The following OSBPL3 variants were observed in gnomAD, a reference collection of about 807,000 sequenced individuals.
OSBPL3 encodes the protein oxysterol binding protein like 3.
In OSBPL3, 65 loss-of-function variants were observed where a neutral mutation model predicts 120.1. The ratio of observed to expected loss-of-function variants is 0.54; its 90% CI spans 0.44 to 0.67. OSBPL3 has a LOEUF of 0.67. Among genes scored for constraint, OSBPL3 ranks in the 30% least tolerant of loss-of-function variants. The pLI is 0.00. For synonymous variants in OSBPL3, 416 were observed against 402.6 expected (o/e 1.03, Z -0.40); for missense variants, 1,004 against 1,082.1 (o/e 0.93, Z 1.01).
At chr7:24,814,940 ATTGC>A in intron 19 of OSBPL3, 115 bp downstream of exon 19, 1 of 915,758 alleles carries the variant, frequency 1.1e-6, no homozygotes, top group Non-Finnish European at 1.7e-6. Context: ...GAGCTCAGGC[ATTGC>A]TTGCCTGCTG....
rs1250278963 is a variant in OSBPL3 at position 24,866,200 on chromosome 7, T to C, written c.419A>G (p.Lys140Arg). The C allele has an allele frequency of 1.2e-6, 2 of 1,613,324 alleles. No individual in the cohort carries two copies. The highest frequency in any genetic ancestry group is 1.7e-6 in the Non-Finnish European group (2 of 1,179,268). ...SEEVFDEWVS[K>R]LRHHRMYRQN... ...ACGATACATTCTGTGGTGGCGAAGT[T>C]TCGATACCCACTCATCAAAGACTTC... The change falls in exon 6 of 23, where the codon AAA becomes AGA. Residue 140 changes from lysine (K) to arginine (R), a missense_variant. Around this residue, in one of 4 missense-constraint regions of OSBPL3, gnomAD observed 255 missense variants for 248.7 expected, o/e 1.03. Coordinates refer to ENST00000313367, the MANE Select transcript of OSBPL3 (RefSeq NM_015550.4).
chr7:24,860,955 T>C (rs1479660685), intron 10 of OSBPL3, among the ~76,000 whole-genome samples: 1 of 152,232 alleles, frequency 6.6e-6, no homozygotes, highest in East Asian at 1.9e-4. Flanking sequence ...AAATGAGTGT[T>C]GGGTTGCATG....
intron 14 of OSBPL3, among the ~76,000 whole-genome samples, chr7:24,837,285 C>A (rs1036952906): frequency 6.6e-6 from 1 of 152,152 alleles, no homozygotes; most frequent in Non-Finnish European, 1.5e-5. Context: ...CTCACTGTAA[C>A]CTCGAACTCC....
chr7:24,850,609 G>GA (rs1470917746), intron 11 of OSBPL3, among the ~76,000 whole-genome samples: 1 of 152,116 alleles, frequency 6.6e-6, no homozygotes, highest in East Asian at 1.9e-4. Flanking sequence ...AATCCTTGAG[G>GA]ACCACTTAAG....
rs1365081402 is a variant in OSBPL3, at chr7:24,980,059, A to C, written c.-323T>G. 3.0e-6 allele frequency: 3 copies of C among 984,528 alleles called. No individual in the cohort carries two copies. The East Asian group carries it at 3.4e-4, about 113-fold the overall frequency. 61.0% of individuals were successfully genotyped at this position (984,528 alleles called of 1,614,324 possible). On this transcript the variant is annotated 5_prime_UTR_variant, in exon 1 of 23. Coordinates refer to ENST00000313367, the MANE Select transcript of OSBPL3 (RefSeq NM_015550.4). ...GGCGGGGATGGCCACTTGCAGACAG[A>C]CTGCGGGGCCGGAGCCGCGCTGCGC...
chr7:24,954,605 G>A (rs529319133), intron 1 of OSBPL3, among the ~76,000 whole-genome samples: 33 of 152,172 alleles, frequency 2.2e-4, no homozygotes, highest in Admixed American at 6.5e-5. Flanking sequence ...GACAGAGGGG[G>A]CCAAGATGTA....
intron 10 of OSBPL3, among the ~76,000 whole-genome samples, chr7:24,859,260 G>GGAAT (rs1324177096): frequency 6.6e-6 from 1 of 151,484 alleles, no homozygotes; most frequent in African/African-American, 2.4e-5. Context: ...GGCAATAGAG[G>GGAAT]GAATATCTTC....
At position 24,916,213 on chromosome 7, in the gene OSBPL3, CTT is replaced by C. The variant is rs1222545920; in HGVS notation, c.-149-23594_-149-23593del. Among the ~76,000 whole-genome samples the C allele has an allele frequency of 6.6e-6, 1 of 152,156 alleles. No individual in the cohort carries two copies. Among genetic ancestry groups the C allele is most frequent in the African/African-American group, 2.4e-5 (1 of 41,446 alleles). ...TTCAGAAGATGGACAATTTCTTTCC[CTT>C]TTGTTAAATTCAAGATCAAATTGAA... On this transcript the variant is annotated intron_variant, in intron 1 of 22. Transcript: ENST00000313367. This position sits in a 1 kb window ranked among gnomAD's most constrained non-coding sequence, Gnocchi z 4.9.
chr7:24,922,551 C>A lies in OSBPL3; in HGVS notation c.-149-29930G>T, dbSNP rs1172177874. On this transcript the variant is annotated intron_variant, in intron 1 of 22. Transcript: ENST00000313367. The surrounding 1 kb of genome is among the most constrained non-coding windows in gnomAD (Gnocchi z 4.3). ...AAATGCACTATGTGATTCATCATTA[C>A]AGTAAACCCCAAGGGAAGTGTGTAA... 2.0e-5 allele frequency among the ~76,000 whole-genome samples: 3 copies of A among 152,188 alleles called. No individual in the cohort carries two copies. Among genetic ancestry groups the A allele is most frequent in the Non-Finnish European group, 4.4e-5 (3 of 68,032 alleles).
At chr7:24,869,479 C>T (rs1409383772) in intron 5 of OSBPL3, among the ~76,000 whole-genome samples, 2 of 152,204 alleles carry the variant, frequency 1.3e-5, no homozygotes, top group East Asian at 1.9e-4. Flanking sequence ...TCACACCAGT[C>T]ATTTGCAGCC....
intron 20 of OSBPL3, among the ~76,000 whole-genome samples, chr7:24,807,541 A>G (rs751494554): frequency 1.3e-5 from 2 of 152,052 alleles, no homozygotes; most frequent in Non-Finnish European, 2.9e-5. Context: ...AAACATACTA[A>G]TATCAGCTCT....
chr7:24,914,252 G>C (rs1388141904), intron 1 of OSBPL3, among the ~76,000 whole-genome samples: 1 of 151,750 alleles, frequency 6.6e-6, no homozygotes, highest in Non-Finnish European at 1.5e-5. Flanking sequence ...ACCCAGACCA[G>C]AGCCAGCCAT....
At chr7:24,978,532 G>A (rs890227811) in intron 1 of OSBPL3, among the ~76,000 whole-genome samples, 3 of 152,112 alleles carry the variant, frequency 2.0e-5, no homozygotes, top group Non-Finnish European at 4.4e-5. Context: ...TGGCTGGAGG[G>A]GATGGTCATT....
rs1794345006 is a variant in OSBPL3, at chr7:24,815,364, AG to A, written c.2028-162del. On this transcript the variant is annotated intron_variant, in intron 18 of 22. Coordinates refer to ENST00000313367, the MANE Select transcript of OSBPL3 (RefSeq NM_015550.4). This position sits in a 1 kb window ranked among gnomAD's most constrained non-coding sequence, Gnocchi z 5.1. ...GTGTCTATGTCACACTGGATGTTCT[AG>A]GAGCTTCCACTCTCCAAGGAGGCAT... 6.6e-6 allele frequency among the ~76,000 whole-genome samples: 1 copy of A among 152,196 alleles called. No individual in the cohort carries two copies.
At chr7:24,950,806 C>G (rs948250165) in intron 1 of OSBPL3, among the ~76,000 whole-genome samples, 3 of 151,990 alleles carry the variant, frequency 2.0e-5, no homozygotes, top group Non-Finnish European at 4.4e-5. Flanking sequence ...GAGGGTCATT[C>G]AGAACAAATT....
chr7:24,845,039 A>G (rs1798237052), intron 12 of OSBPL3, among the ~76,000 whole-genome samples: 1 of 152,168 alleles, frequency 6.6e-6, no homozygotes, highest in African/African-American at 2.4e-5. Context: ...ATGGTTTAGT[A>G]TGTTTGTAAA....
intron 1 of OSBPL3, among the ~76,000 whole-genome samples, chr7:24,902,646 A>G (rs929526370): frequency 6.6e-6 from 1 of 151,618 alleles, no homozygotes; most frequent in Non-Finnish European, 1.5e-5. Flanking sequence ...ACCAACTTAC[A>G]CTGTACAGAG....
In OSBPL3 at chr7:24,959,034, G is replaced by A. The variant is rs113262566; in HGVS notation, c.-150+20852C>T. Among the ~76,000 whole-genome samples, 2,183 of 152,222 alleles carry A rather than the reference G, an allele frequency of 0.014. 53 individuals carry two copies. The highest frequency in any genetic ancestry group is 0.05 in the African/African-American group (2,075 of 41,524). ...ACTTCTTTTCTATAATCCATGAATTGTAAGTTTTAAACATTCACTAGAATG... is the reference window on the plus strand; with the variant it reads ...ACTTCTTTTCTATAATCCATGAATTATAAGTTTTAAACATTCACTAGAATG... On this transcript the variant is annotated intron_variant, in intron 1 of 22. Transcript: ENST00000313367. The surrounding 1 kb of genome is among the most constrained non-coding windows in gnomAD (Gnocchi z 4.3).
In OSBPL3 at chr7:24,833,597, A is replaced by G. The variant is rs989720751; in HGVS notation, c.1746+889T>C. ...TCTGTGAAGCCGAGGGGGCACTCCA[A>G]TTCCAATGTAGCCAATTGGCAAATG... On this transcript the variant is annotated intron_variant, in intron 15 of 22. Coordinates refer to ENST00000313367, the MANE Select transcript of OSBPL3 (RefSeq NM_015550.4). This position sits in a 1 kb window ranked among gnomAD's most constrained non-coding sequence, Gnocchi z 4.4. Among the ~76,000 whole-genome samples the G allele has an allele frequency of 6.6e-5, 10 of 152,212 alleles. No individual in the cohort carries two copies. Among genetic ancestry groups the G allele is most frequent in the Admixed American group, 3.9e-4 (6 of 15,288 alleles).
Sources: gnomAD v4.1 joint callset for allele counts (sites outside exome capture counted in the v4.1 genomes callset) on GRCh38, gnomAD v4.1.1 for gene constraint, gnomAD v4.1.1 regional missense constraint, Gnocchi (gnomAD v3.1) non-coding constraint, MANE v1.5 for transcripts, NCBI Gene and HGNC (gene_info 2026-07-23, HGNC 2026-07-21) for gene names.